EPRS1: variants seen among roughly 807,000 people sequenced by gnomAD.
EPRS1 encodes the protein bifunctional glutamate/proline--tRNA ligase.
Under a neutral mutation model 188.3 loss-of-function variants are expected in EPRS1, and 107 were observed. The ratio of observed to expected loss-of-function variants is 0.57; its 90% CI spans 0.49 to 0.67. The LOEUF is 0.67. Ranked by LOEUF, EPRS1 falls within the 30% of genes least tolerant of loss-of-function variation. EPRS1 has a pLI of 0.00. For synonymous variants in EPRS1, 596 were observed against 593.1 expected (o/e 1.00, Z -0.07); for missense variants, 1,577 against 1,802.2 (o/e 0.88, Z 2.26).
intron 16 of EPRS1, among the ~76,000 whole-genome samples, chr1:220,003,305 T>A (rs1396975683): frequency 6.6e-6 from 1 of 152,216 alleles, no homozygotes; most frequent in Non-Finnish European, 1.5e-5. Context: ...TTAATTGGGT[T>A]CTCTTCTGGA....
In EPRS1 at chr1:220,025,182, T is replaced by C. The variant is rs1317814575; in HGVS notation, c.700A>G (p.Met234Val). The C allele has an allele frequency of 3.7e-6, 6 of 1,613,124 alleles. No homozygotes were observed. In the Admixed American group the frequency reaches 6.7e-5, roughly 18 times the overall value. ...YQVNFKGKLIMRFDDTNPEKE... is the reference protein window; with the variant it reads ...YQVNFKGKLIVRFDDTNPEKE... ...TCAGGATTTGTGTCATCAAATCTCATGATCAGTTTCCCTTTAAAGTTAACC... is the reference window on the plus strand; with the variant it reads ...TCAGGATTTGTGTCATCAAATCTCACGATCAGTTTCCCTTTAAAGTTAACC... Residue 234 changes from methionine to valine, a missense_variant, in exon 7 of 32, where the codon ATG (methionine) becomes GTG (valine). Physicochemically the swap from Met to Val is conservative, Grantham distance 21 (BLOSUM62 1). Transcript: ENST00000366923.
At chr1:220,012,817 C>CT (rs1170735433) in intron 12 of EPRS1, among the ~76,000 whole-genome samples, 3 of 152,278 alleles carry the variant, frequency 2.0e-5, no homozygotes, top group African/African-American at 7.2e-5. Context: ...TCTGGTAGCA[C>CT]TAAGTGAAGG....
intron 18 of EPRS1, among the ~76,000 whole-genome samples, chr1:219,994,661 TTTTTTTTTTG>T (rs1661194987): frequency 2.1e-5 from 1 of 47,268 alleles, no homozygotes; most frequent in African/African-American, 7.9e-5. Flanking sequence ...TTTTTTTTTT[TTTTTTTTTTG>T]AGATAGAGTC....
At chr1:219,996,262 CAT>C (rs1296481148) in intron 18 of EPRS1, among the ~76,000 whole-genome samples, 1 of 152,144 alleles carries the variant, frequency 6.6e-6, no homozygotes, top group East Asian at 1.9e-4. Flanking sequence ...GTCAAAATGT[CAT>C]ATAATTTGAA....
intron 17 of EPRS1, among the ~76,000 whole-genome samples, chr1:219,997,928 G>GGAACA (rs1412127463): frequency 6.6e-6 from 1 of 152,024 alleles, no homozygotes; most frequent in Non-Finnish European, 1.5e-5. Flanking sequence ...TCATTGTTGT[G>GGAACA]GAACAGTTTC....
chr1:220,036,154 C>T (rs1662177061), intron 2 of EPRS1, among the ~76,000 whole-genome samples: 1 of 152,162 alleles, frequency 6.6e-6, no homozygotes, highest in South Asian at 2.1e-4. Flanking sequence ...GAGCCAAGAT[C>T]GTGCCACTGC....
Position 219,982,902 on chromosome 1 carries a change from T to G in EPRS1, c.3301-58A>C, listed in dbSNP as rs1451459490. 2.8e-6 allele frequency: 4 copies of G among 1,450,922 alleles called. No homozygotes were observed. In the African/African-American group the frequency reaches 5.6e-5, roughly 20 times the overall value. The allele number at this position is 1,450,922 out of a possible 1,614,324, so 89.9% of individuals were successfully genotyped here. On this transcript the variant is annotated intron_variant, in intron 22 of 31. Transcript: ENST00000366923. ...TTTCAATAGCATTTTGGAGCAACAGTACAAATGCAGGCAAATTTCCTCTGT... is the reference window on the plus strand; with the variant it reads ...TTTCAATAGCATTTTGGAGCAACAGGACAAATGCAGGCAAATTTCCTCTGT...
In EPRS1 at chr1:219,968,894, T is replaced by C. The variant is rs768305350; in HGVS notation, c.4451A>G (p.Lys1484Arg). 2 of 1,614,076 alleles carry C rather than the reference T, an allele frequency of 1.2e-6. No individual in the cohort carries two copies. Among genetic ancestry groups the C allele is most frequent in the Admixed American group, 3.3e-5 (2 of 60,020 alleles). The change falls in exon 32 of 32, where the codon AAA (lysine) becomes AGA (arginine). Residue 1484 changes from lysine to arginine, a missense_variant. By Grantham distance (26) the Lys-to-Arg change is conservative. Transcript: ENST00000366923. ...TCCAGGCTGCAGTTCACAGAGTGGT[T>C]TGAAGGGGATGCAAAGGCTTTTAGC... The part of the protein sequence containing the change: ...MGAKSLCIPF[K>R]PLCELQPGAK...
At chr1:219,985,517 C>G (rs1255572549) in intron 20 of EPRS1, among the ~76,000 whole-genome samples, 1 of 152,126 alleles carries the variant, frequency 6.6e-6, no homozygotes, top group Non-Finnish European at 1.5e-5. Context: ...CTCAGCCCCC[C>G]TCCCCCACCC....
At chr1:220,027,927 AAACT>A (rs1253090540) in intron 6 of EPRS1, among the ~76,000 whole-genome samples, 1 of 152,082 alleles carries the variant, frequency 6.6e-6, no homozygotes, top group Non-Finnish European at 1.5e-5. Flanking sequence ...TACTAGGGAA[AAACT>A]AACAAAATCC....
chr1:220,015,985 AT>A (rs148901675), intron 12 of EPRS1, among the ~76,000 whole-genome samples: 3,046 of 152,200 alleles, frequency 0.02, 93 homozygotes, highest in African/African-American at 0.062. Flanking sequence ...TGTCTCCAAA[AT>A]GAAACTGAAA....
intron 28 of EPRS1, among the ~76,000 whole-genome samples, 174 bp downstream of exon 28, chr1:219,978,372 T>C (rs1236311729): frequency 1.3e-5 from 2 of 152,220 alleles, no homozygotes; most frequent in Non-Finnish European, 2.9e-5. Context: ...GGTATCACTA[T>C]TGCAAAGCTA....
At chr1:219,993,072 G>A (rs970821585) in intron 18 of EPRS1, among the ~76,000 whole-genome samples, 3 of 151,848 alleles carry the variant, frequency 2.0e-5, no homozygotes, top group Non-Finnish European at 2.9e-5. Context: ...CCGTCTCTAT[G>A]AGCAATACAA....
intron 1 of EPRS1, among the ~76,000 whole-genome samples, chr1:220,040,874 G>A (rs1662278888): frequency 6.7e-6 from 1 of 148,846 alleles, no homozygotes; most frequent in South Asian, 2.1e-4. Flanking sequence ...ATAGTATAGT[G>A]CCTTATATAA....
At chr1:220,000,599 C>A (rs1661331827) in intron 17 of EPRS1, among the ~76,000 whole-genome samples, 3 of 152,064 alleles carry the variant, frequency 2.0e-5, no homozygotes, top group South Asian at 4.1e-4. Context: ...ATTATTTTTA[C>A]ATGAATTAAA....
rs1468775381 is a variant in EPRS1 at position 219,973,378 on chromosome 1, T to C, written c.4104A>G (p.Glu1368=). ...WELKGVPIRL[E]VGPRDMKSCQ... Reference sequence around the variant, plus strand: ...AGCTCTTCATATCACGTGGCCCAACTTCAAGTCTAATGGGAACTCCCTATA... The same window carrying C: ...AGCTCTTCATATCACGTGGCCCAACCTCAAGTCTAATGGGAACTCCCTATA... Residue 1368 remains glutamate, a synonymous_variant, in exon 29 of 32, where the codon GAA becomes GAG. Coordinates refer to ENST00000366923, the MANE Select transcript of EPRS1 (RefSeq NM_004446.3). The C allele has an allele frequency of 1.2e-6, 2 of 1,611,834 alleles. No homozygotes were observed. The highest frequency in any genetic ancestry group is 8.5e-7 in the Non-Finnish European group (1 of 1,179,242).
intron 18 of EPRS1, among the ~76,000 whole-genome samples, chr1:219,995,369 C>A (rs1385480640): frequency 6.6e-6 from 1 of 152,176 alleles, no homozygotes; most frequent in Non-Finnish European, 1.5e-5. Context: ...AAAATTGGCA[C>A]AGAATCTCAA....
intron 16 of EPRS1, among the ~76,000 whole-genome samples, chr1:220,004,834 T>TA (rs201480472): frequency 4.2e-4 from 62 of 147,244 alleles, no homozygotes; most frequent in Non-Finnish European, 6.5e-4. Flanking sequence ...ACTTCATGGT[T>TA]AAAAAAAAAA....
At chr1:219,984,850 C>T (rs1458151681) in intron 20 of EPRS1, among the ~76,000 whole-genome samples, 1 of 152,112 alleles carries the variant, frequency 6.6e-6, no homozygotes, top group Non-Finnish European at 1.5e-5. Flanking sequence ...TGAGACCAGC[C>T]TGACCAACAT....
Sources: allele counts gnomAD v4.1 joint callset (sites outside exome capture counted in the v4.1 genomes callset), GRCh38; gene constraint gnomAD v4.1.1; transcripts MANE v1.5; gene names NCBI Gene and HGNC (gene_info 2026-07-23, HGNC 2026-07-21).